The following ABCA4 variants were observed in gnomAD, a reference collection of about 807,000 sequenced individuals.
The protein encoded by ABCA4 is retinal-specific phospholipid-transporting ATPase ABCA4.
In ABCA4, 196 loss-of-function variants were observed where a neutral mutation model predicts 263.7. That is an observed-to-expected ratio of 0.74 (90% CI 0.66 to 0.84). ABCA4 has a LOEUF of 0.84. Ranked by LOEUF, ABCA4 falls within the 40% of genes least tolerant of loss-of-function variation. The pLI is 0.00. For missense variants in ABCA4, 2,792 were observed against 2,855.1 expected (o/e 0.98, Z 0.50); for synonymous variants, 1,133 against 1,094.2 (o/e 1.04, Z -0.70).
rs114846403 is a variant in ABCA4, at chr1:94,028,999, G to T, written c.4539+446C>A. On this transcript the variant is annotated intron_variant, in intron 30 of 49. Transcript: ENST00000370225. ...CAGATGTCTATTTATTGACATGGAT[G>T]CATGTTCCTAGTAAATTATGCAGTA... Among the ~76,000 whole-genome samples the T allele has an allele frequency of 4.9e-3, 737 of 151,416 alleles. 6 individuals are homozygous for T. The highest frequency in any genetic ancestry group is 0.017 in the African/African-American group (710 of 41,182).
At chr1:94,112,445 A>G (rs1662635454) in intron 2 of ABCA4, among the ~76,000 whole-genome samples, 1 of 152,260 alleles carries the variant, frequency 6.6e-6, no homozygotes, top group Non-Finnish European at 1.5e-5. Flanking sequence ...AACAAAAATA[A>G]GTGCACAGTC....
intron 1 of ABCA4, among the ~76,000 whole-genome samples, chr1:94,115,150 C>T (rs951495287): frequency 6.6e-6 from 1 of 152,174 alleles, no homozygotes; most frequent in African/African-American, 2.4e-5. Context: ...GGAACAAGTT[C>T]AGTAAGATAG....
chr1:94,021,803 G>C, intron 33 of ABCA4, 43 bp downstream of exon 33: 1 of 1,607,372 alleles, frequency 6.2e-7, no homozygotes, highest in Non-Finnish European at 8.5e-7. Flanking sequence ...TGGTAGTTAA[G>C]CAAGTCAAAA....
At chr1:94,051,886 C>T (rs1660851516) in intron 16 of ABCA4, among the ~76,000 whole-genome samples, 188 bp from the exon 17 acceptor site, 1 of 152,176 alleles carries the variant, frequency 6.6e-6, no homozygotes, top group African/African-American at 2.4e-5. Context: ...TTTTTATCCA[C>T]ACAGTCATGT....
rs1660182155 is a variant in ABCA4, at chr1:94,030,909, A to C, written c.4253+87T>G. 5.7e-6 allele frequency: 9 copies of C among 1,575,020 alleles called. No homozygotes were observed. In the South Asian group the frequency reaches 1.0e-4, roughly 18 times the overall value. On this transcript the variant is annotated intron_variant, in intron 28 of 49. Coordinates refer to ENST00000370225, the MANE Select transcript of ABCA4 (RefSeq NM_000350.3). Reference sequence around the variant, plus strand: ...CTCTCATTGGTGAAGGTCCCAGTGAAGTGGGAAGGTCAGGGCCCTTCTAAG... The same window carrying C: ...CTCTCATTGGTGAAGGTCCCAGTGACGTGGGAAGGTCAGGGCCCTTCTAAG...
At chr1:94,033,058 G>T (rs148615896) in intron 26 of ABCA4, among the ~76,000 whole-genome samples, 1 of 152,188 alleles carries the variant, frequency 6.6e-6, no homozygotes, top group Non-Finnish European at 1.5e-5. Flanking sequence ...TTTGAATATG[G>T]ATTCTTACAA....
chr1:94,064,652 T>C (rs1661217046), intron 11 of ABCA4, among the ~76,000 whole-genome samples: 1 of 152,052 alleles, frequency 6.6e-6, no homozygotes, highest in African/African-American at 2.4e-5. Context: ...AGGGCATCCA[T>C]ATCTTGTAAA....
chr1:94,073,474 C>G (rs2101094298), intron 11 of ABCA4, among the ~76,000 whole-genome samples: 1 of 152,308 alleles, frequency 6.6e-6, no homozygotes, highest in Non-Finnish European at 1.5e-5. Context: ...CTCTCCTAAG[C>G]AGTGTTTTTT....
chr1:94,111,974 C>T (rs1044193873), intron 2 of ABCA4, among the ~76,000 whole-genome samples: 1 of 152,170 alleles, frequency 6.6e-6, no homozygotes, highest in African/African-American at 2.4e-5. Flanking sequence ...AGCACCTACC[C>T]CAAGCATGCA....
intron 16 of ABCA4, among the ~76,000 whole-genome samples, chr1:94,054,812 T>C (rs972312331): frequency 1.3e-5 from 2 of 152,090 alleles, no homozygotes; most frequent in African/African-American, 4.8e-5. Flanking sequence ...ATGACCTTGA[T>C]TCTGAAAGGA....
At position 94,019,580 on chromosome 1, in the gene ABCA4, A is replaced by G. The variant is rs61751405; in HGVS notation, c.5196+2T>C. 1 of 1,601,400 alleles carries G rather than the reference A, an allele frequency of 6.2e-7. No individual in the cohort carries two copies. Among genetic ancestry groups the G allele is most frequent in the South Asian group, 1.1e-5 (1 of 88,834 alleles). On this transcript the variant is annotated splice_donor_variant, in intron 36 of 49. Transcript: ENST00000370225. LOFTEE classifies it high-confidence loss of function. The stretch of plus-strand genomic sequence containing the variant: ...AGGGAGGCGCTGTAAACTGACACTT[A>G]CGATGTCCCAGAGGAAGTTGGTCAC...
At chr1:94,050,974 C>A (rs1660826107) in intron 17 of ABCA4, among the ~76,000 whole-genome samples, 1 of 152,206 alleles carries the variant, frequency 6.6e-6, no homozygotes, top group Admixed American at 6.5e-5. Context: ...CTTTCTCAGA[C>A]CTCACAAAAG....
At chr1:94,082,319 T>A (rs1471571533) in intron 7 of ABCA4, among the ~76,000 whole-genome samples, 1 of 152,222 alleles carries the variant, frequency 6.6e-6, no homozygotes, top group African/African-American at 2.4e-5. Flanking sequence ...AGTTCACAAA[T>A]GATTAGACTT....
At chr1:94,065,326 G>A (rs997656929) in intron 11 of ABCA4, among the ~76,000 whole-genome samples, 2 of 152,258 alleles carry the variant, frequency 1.3e-5, no homozygotes, top group African/African-American at 2.4e-5. Flanking sequence ...CCCCAGAGGC[G>A]TGGTAGAGTA....
chr1:94,070,038 C>A (rs964541639), intron 11 of ABCA4, among the ~76,000 whole-genome samples: 9 of 152,218 alleles, frequency 5.9e-5, no homozygotes, highest in African/African-American at 2.2e-4. Flanking sequence ...AATCACCTGG[C>A]TGACAACTGC....
chr1:94,002,081 C>G (rs949302609), intron 44 of ABCA4, 89 bp from the exon 45 acceptor site: 6 of 1,590,032 alleles, frequency 3.8e-6, no homozygotes, highest in Non-Finnish European at 5.2e-6. Flanking sequence ...CCAGATCTCA[C>G]GCCTCCAGAA....
chr1:94,041,956 A>G (rs1266693909), intron 22 of ABCA4, among the ~76,000 whole-genome samples: 3 of 151,908 alleles, frequency 2.0e-5, no homozygotes, highest in Admixed American at 6.6e-5. Context: ...ACAATTAGCT[A>G]GGCGTGGTGG....
At chr1:94,091,086 G>C (rs1343329547) in intron 6 of ABCA4, among the ~76,000 whole-genome samples, 1 of 152,166 alleles carries the variant, frequency 6.6e-6, no homozygotes. Flanking sequence ...TAGAGAGACA[G>C]CCAGATAAGA....
intron 1 of ABCA4, among the ~76,000 whole-genome samples, chr1:94,113,474 T>C (rs1054289816): frequency 6.6e-6 from 1 of 152,184 alleles, no homozygotes; most frequent in Non-Finnish European, 1.5e-5. Flanking sequence ...TAGTAAAGAT[T>C]TCTCTGTAGC....
Sources: gnomAD v4.1 joint callset for allele counts (sites outside exome capture counted in the v4.1 genomes callset) on GRCh38, gnomAD v4.1.1 for gene constraint, MANE v1.5 for transcripts, NCBI Gene and HGNC (gene_info 2026-07-23, HGNC 2026-07-21) for gene names.